The following MRE11 variants were observed in gnomAD, a reference collection of about 807,000 sequenced individuals.
MRE11 encodes the protein MRE11 double strand break repair nuclease, also known as double-strand break repair protein MRE11.
MRE11 carries 62 observed loss-of-function variants against 91.7 expected under a neutral mutation model. That is an observed-to-expected ratio of 0.68 (90% CI 0.55 to 0.84). The LOEUF is 0.84. MRE11 is among the 40% of genes least tolerant of loss of function. The pLI is 0.00. For missense variants in MRE11, 796 were observed against 852.9 expected (o/e 0.93, Z 0.83); for synonymous variants, 273 against 271.4 (o/e 1.01, Z -0.06).
Position 94,471,649 on chromosome 11 carries a change from T to G in MRE11, c.770A>C (p.Glu257Ala), listed in dbSNP as rs750186993. 2 of 1,612,956 alleles carry G rather than the reference T, an allele frequency of 1.2e-6. No homozygotes were observed. Among genetic ancestry groups the G allele is most frequent in the Non-Finnish European group, 1.7e-6 (2 of 1,179,192 alleles). Residue 257 changes from glutamate (E) to alanine (A), a missense_variant, in exon 8 of 20, where the codon GAA (glutamate) becomes GCA (alanine). Coordinates refer to ENST00000323929, the MANE Select transcript of MRE11 (RefSeq NM_005591.4). ...HECKIAPTKN[E>A]QQLFYISQPG... ...TTGTGAGATATAAAACAGCTGTTGTTCATTTTTGGTTGGAGCTATTTTACA... is the reference window on the plus strand; with the variant it reads ...TTGTGAGATATAAAACAGCTGTTGTGCATTTTTGGTTGGAGCTATTTTACA...
chr11:94,461,437 C>T (rs1374760436), intron 11 of MRE11, among the ~76,000 whole-genome samples: 1 of 152,186 alleles, frequency 6.6e-6, no homozygotes, highest in Non-Finnish European at 1.5e-5. Context: ...TGCCTTGTGA[C>T]GTCAAGGTAG....
chr11:94,456,369 G>A, intron 13 of MRE11, 31 bp from the exon 14 acceptor site: 3 of 1,545,446 alleles, frequency 1.9e-6, no homozygotes, highest in Non-Finnish European at 8.9e-7. Flanking sequence ...TCACAAACAT[G>A]TTGCCTATTC....
rs535195749 is a variant in MRE11 at position 94,449,132 on chromosome 11, T to C, written c.1564-1694A>G. ...AACATTTCTAAGCTCTGTGATACCA[T>C]AAAGTAAGGAGACCCAGGGCTAAAT... On this transcript the variant is annotated intron_variant, in intron 14 of 19. Coordinates refer to ENST00000323929, the MANE Select transcript of MRE11 (RefSeq NM_005591.4). Among the ~76,000 whole-genome samples, 3 of 152,176 alleles carry C rather than the reference T, an allele frequency of 2.0e-5. No homozygotes were observed. In the South Asian group the frequency reaches 6.2e-4, roughly 32 times the overall value.
At chr11:94,483,786 T>A (rs1591715403) in intron 4 of MRE11, 1 of 152,376 alleles carries the variant, frequency 6.6e-6, no homozygotes, top group African/African-American at 2.4e-5. Flanking sequence ...GAGGCTGCAG[T>A]GAGCTATGAT....
At chr11:94,508,222 C>T in the MRE11 span, among the ~76,000 whole-genome samples, 272 of 152,330 alleles carry the variant, frequency 1.8e-3, 1 homozygote, top group African/African-American at 6.1e-3. Context: ...GCTGGTATTA[C>T]AGGCATGAGC....
At chr11:94,432,972 C>T (rs1295565612) in intron 18 of MRE11, among the ~76,000 whole-genome samples, 2 of 152,254 alleles carry the variant, frequency 1.3e-5, no homozygotes, top group Non-Finnish European at 2.9e-5. Flanking sequence ...TCATTCCCTA[C>T]AACACATCTG....
At position 94,459,408 on chromosome 11, in the gene MRE11, C is replaced by G. The variant is rs786202052; in HGVS notation, c.1500G>C (p.Glu500Asp). 2 of 1,613,664 alleles carry G rather than the reference C, an allele frequency of 1.2e-6. No individual in the cohort carries two copies. Among genetic ancestry groups the G allele is most frequent in the African/African-American group, 2.7e-5 (2 of 74,904 alleles). ...IDALEDKIDE[E>D]VRRFRETRQK... ...CTAGACACTCAAATTAGTTACTTAC[C>G]TCCTCATCGATTTTGTCTTCGAGGG... Residue 500 changes from glutamate (E) to aspartate (D), a missense_variant and splice_region_variant, in exon 13 of 20, where the codon GAG (glutamate) becomes GAC (aspartate). By Grantham distance (45) the Glu-to-Asp change is conservative. Transcript: ENST00000323929.
rs539061083 is a variant in MRE11 at position 94,418,464 on chromosome 11, T to A, written c.*1661A>T. The A allele has an allele frequency of 1.3e-5, 3 of 232,020 alleles. No individual in the cohort carries two copies. The highest frequency in any genetic ancestry group is 6.6e-5 in the African/African-American group (3 of 45,244). The allele number at this position is 232,020 out of a possible 1,614,324, so 14.4% of individuals were successfully genotyped here. On this transcript the variant is annotated 3_prime_UTR_variant, in exon 20 of 20. Transcript: ENST00000323929. The stretch of plus-strand genomic sequence containing the variant: ...TACTTTAGTGACCATTCCCTCACTA[T>A]AACTCTCACCCAGACCCACCTAACT...
chr11:94,502,656 T>A, the MRE11 span, among the ~76,000 whole-genome samples: 1 of 152,058 alleles, frequency 6.6e-6, no homozygotes, highest in African/African-American at 2.4e-5. Flanking sequence ...TAACTAAATT[T>A]ATTTATTTAT....
chr11:94,471,679 T>C lies in MRE11; in HGVS notation c.740A>G (p.His247Arg), dbSNP rs876659322. 2.5e-6 allele frequency: 4 copies of C among 1,612,768 alleles called. No homozygotes were observed. In the African/African-American group the frequency reaches 4.0e-5, roughly 16 times the overall value. The change falls in exon 8 of 20, where the codon CAT becomes CGT. Residue 247 changes from histidine to arginine, a missense_variant. His to Arg is a conservative substitution (Grantham distance 29). Coordinates refer to ENST00000323929, the MANE Select transcript of MRE11 (RefSeq NM_005591.4). The part of the protein sequence containing the change: ...FIDLVIWGHE[H>R]ECKIAPTKNE... ...TTTGGTTGGAGCTATTTTACACTCA[T>C]GTTCATGGCCCCAGATAACAAGATC...
At chr11:94,480,630 G>A (rs537102233) in intron 4 of MRE11, among the ~76,000 whole-genome samples, 3 of 152,356 alleles carry the variant, frequency 2.0e-5, no homozygotes, top group African/African-American at 7.2e-5. Flanking sequence ...AAGAGTACAT[G>A]TATTTGTAAT....
intron 5 of MRE11, among the ~76,000 whole-genome samples, chr11:94,479,332 T>A (rs7926138): frequency 0.088 from 13,357 of 152,214 alleles, 1,659 homozygotes; most frequent in African/African-American, 0.28. Context: ...AAAGATGGTC[T>A]TGAACAATCA....
chr11:94,463,248 T>C (rs1565223081), intron 11 of MRE11, among the ~76,000 whole-genome samples: 1 of 152,144 alleles, frequency 6.6e-6, no homozygotes, highest in Non-Finnish European at 1.5e-5. Context: ...CTCATACCAG[T>C]TAGAATGGCG....
chr11:94,425,534 T>G (rs554364586), intron 19 of MRE11, among the ~76,000 whole-genome samples: 3 of 152,302 alleles, frequency 2.0e-5, no homozygotes, highest in Admixed American at 2.0e-4. Flanking sequence ...TAAATGTCAC[T>G]ACTTAAAAGG....
At chr11:94,446,378 G>T (rs1436218237) in intron 15 of MRE11, among the ~76,000 whole-genome samples, 1 of 152,110 alleles carries the variant, frequency 6.6e-6, no homozygotes, top group Non-Finnish European at 1.5e-5. Context: ...TTGCACTCCA[G>T]CCTGGGCAAC....
chr11:94,430,368 T>C (rs1239762243), intron 18 of MRE11, among the ~76,000 whole-genome samples: 1 of 152,184 alleles, frequency 6.6e-6, no homozygotes, highest in Non-Finnish European at 1.5e-5. Context: ...ATAGTACTTA[T>C]CATGTACCAA....
intron 16 of MRE11, among the ~76,000 whole-genome samples, chr11:94,439,515 T>C (rs1450015106): frequency 6.6e-6 from 1 of 152,222 alleles, no homozygotes; most frequent in African/African-American, 2.4e-5. Context: ...AGCTATCATC[T>C]GTCGCATTTT....
At chr11:94,496,364 A>T (rs1320693607), upstream of MRE11, among the ~76,000 whole-genome samples, 3 of 152,212 alleles carry the variant, frequency 2.0e-5, no homozygotes, top group African/African-American at 7.2e-5. Context: ...GATTAAAAAT[A>T]ATAGTTATAA....
chr11:94,501,600 C>A, the MRE11 span, among the ~76,000 whole-genome samples: 1 of 151,652 alleles, frequency 6.6e-6, no homozygotes, highest in South Asian at 2.1e-4. Context: ...ATTTCAAGTT[C>A]TCAGCTATGT....
Sources: gnomAD v4.1 joint callset for allele counts (sites outside exome capture counted in the v4.1 genomes callset) on GRCh38, gnomAD v4.1.1 for gene constraint, MANE v1.5 for transcripts, NCBI Gene and HGNC (gene_info 2026-07-23, HGNC 2026-07-21) for gene names.